Variants in EQTN observed in about 807,000 individuals in gnomAD.
EQTN encodes Acrosome formation associated factor.
Under a neutral mutation model 26.9 loss-of-function variants are expected in EQTN, and 29 were observed. That is an observed-to-expected ratio of 1.08 (90% CI 0.80 to 1.47). EQTN has a LOEUF of 1.47. Ranked by LOEUF, EQTN falls within the 40% of genes most tolerant of loss-of-function variation. The pLI is 0.00. For synonymous variants in EQTN, 129 were observed against 120.0 expected (o/e 1.07, Z -0.49); for missense variants, 391 against 346.1 (o/e 1.13, Z -1.03).
At chr9:27,292,268 A>T (rs917035118) in intron 4 of EQTN, 133 bp downstream of exon 4, 1 of 471,356 alleles carries the variant, frequency 2.1e-6, no homozygotes, top group Non-Finnish European at 3.7e-6. Context: ...GATTTTAGTG[A>T]CTTTAAAAGG....
Position 27,297,048 on chromosome 9 carries a change from A to T in EQTN, c.8T>A (p.Phe3Tyr), listed in dbSNP as rs144732399. The T allele has an allele frequency of 5.0e-6, 8 of 1,604,778 alleles. No homozygotes were observed. The African/African-American group carries it at 1.1e-4, about 21-fold the overall frequency. Residue 3 changes from phenylalanine to tyrosine, a missense_variant, in exon 1 of 8, where the codon TTT (phenylalanine) becomes TAT (tyrosine). Physicochemically the swap from Phe to Tyr is conservative, Grantham distance 22. Coordinates refer to ENST00000380032, the MANE Select transcript of EQTN (RefSeq NM_020641.3). MN[F>Y]ILFIFIPGVF... The stretch of plus-strand genomic sequence containing the variant: ...TCCAGGTATAAAAATAAACAATATA[A>T]AATTCATTGGGAAATTGAAGTGATT...
chr9:27,285,643 C>A (rs1361457508), intron 7 of EQTN, among the ~76,000 whole-genome samples: 3 of 152,090 alleles, frequency 2.0e-5, no homozygotes, highest in Non-Finnish European at 4.4e-5. Flanking sequence ...ATACACCATT[C>A]GTCAAAAACA....
At chr9:27,294,140 G>C (rs1820289370) in intron 3 of EQTN, among the ~76,000 whole-genome samples, 176 bp downstream of exon 3, 2 of 152,216 alleles carry the variant, frequency 1.3e-5, no homozygotes, top group African/African-American at 4.8e-5. Context: ...TGTGAGAAAA[G>C]CAGAGAGGAT....
intron 6 of EQTN, 54 bp from the exon 7 acceptor site, chr9:27,286,416 AGGAG>A: frequency 6.6e-7 from 1 of 1,520,624 alleles, no homozygotes; most frequent in Admixed American, 2.0e-5. Context: ...GTTCTCCTGA[AGGAG>A]TAAAGATTGC....
In EQTN at chr9:27,292,467, T is replaced by C. The variant is rs1820256262; in HGVS notation, c.310A>G (p.Thr104Ala). The C allele has an allele frequency of 6.2e-7, 1 of 1,605,654 alleles. No homozygotes were observed. Among genetic ancestry groups the C allele is most frequent in the Non-Finnish European group, 8.5e-7 (1 of 1,175,940 alleles). ...LKNDKTVNAT[T>A]YEKSTIEEET... The stretch of plus-strand genomic sequence containing the variant: ...TCTTCAATGGTGGATTTTTCATATG[T>C]AGTTGCATTGACAGTTTTATCTAGG... The change falls in exon 4 of 8, where the codon ACA becomes GCA. Residue 104 changes from threonine to alanine, a missense_variant. Coordinates refer to ENST00000380032, the MANE Select transcript of EQTN (RefSeq NM_020641.3).
rs1357205046 is a variant in EQTN at position 27,284,897 on chromosome 9, A to T, written c.711T>A (p.Gly237=). 1 of 1,614,110 alleles carries T rather than the reference A, an allele frequency of 6.2e-7. No homozygotes were observed. The highest frequency in any genetic ancestry group is 2.2e-5 in the East Asian group (1 of 44,874). Residue 237 remains glycine, a synonymous_variant, in exon 8 of 8, where the codon GGT becomes GGA. Coordinates refer to ENST00000380032, the MANE Select transcript of EQTN (RefSeq NM_020641.3). ...ATMSYFHPSE[G]VSDTSFSKSA... is the part of the protein sequence containing the mutation. ...TCTTGGAAAAGGATGTATCTGAAAC[A>T]CCTTCTGATGGATGAAAGTAAGACA...
intron 4 of EQTN, 90 bp from the exon 5 acceptor site, chr9:27,291,153 C>T (rs1410455436): frequency 1.8e-5 from 22 of 1,199,322 alleles, no homozygotes; most frequent in Non-Finnish European, 2.0e-5. Context: ...GTTTGTTAGT[C>T]ATTTAGCAGT....
chr9:27,285,571 T>A (rs1476361439), intron 7 of EQTN, among the ~76,000 whole-genome samples: 1 of 152,198 alleles, frequency 6.6e-6, no homozygotes, highest in Non-Finnish European at 1.5e-5. Flanking sequence ...AAGAAACATG[T>A]ACAATGAAAT....
At chr9:27,295,273 T>C (rs1198494504) in intron 2 of EQTN, among the ~76,000 whole-genome samples, 1 of 151,984 alleles carries the variant, frequency 6.6e-6, no homozygotes, top group Non-Finnish European at 1.5e-5. Context: ...TATGGAAAAA[T>C]AAAACAAAGT....
chr9:27,289,754 T>C, intron 5 of EQTN, 23 bp from the exon 6 acceptor site: 1 of 1,591,538 alleles, frequency 6.3e-7, no homozygotes, highest in Non-Finnish European at 8.6e-7. Context: ...ATTGGGGTTA[T>C]GGTAAACAAC....
chr9:27,296,894 A>G, intron 1 of EQTN, 86 bp downstream of exon 1: 2 of 1,567,194 alleles, frequency 1.3e-6, no homozygotes, highest in South Asian at 2.4e-5. Context: ...ATCCTCCTGT[A>G]GAAAACTGCC....
chr9:27,296,521 G>A (rs992161142), intron 2 of EQTN, 92 bp downstream of exon 2: 2 of 906,156 alleles, frequency 2.2e-6, no homozygotes, highest in Non-Finnish European at 3.3e-6. Context: ...AACAAATACA[G>A]GGGGAAATGA....
intron 6 of EQTN, among the ~76,000 whole-genome samples, chr9:27,287,984 T>G (rs1045774747): frequency 1.3e-5 from 2 of 152,146 alleles, no homozygotes; most frequent in Non-Finnish European, 2.9e-5. Flanking sequence ...TTTGGTATTT[T>G]TAACAGAGAC....
intron 2 of EQTN, among the ~76,000 whole-genome samples, chr9:27,294,923 C>G (rs771669831): frequency 9.9e-5 from 15 of 152,156 alleles, no homozygotes; most frequent in Non-Finnish European, 2.1e-4. Flanking sequence ...CAATTCAAAA[C>G]TAATGTATAT....
rs201996005 is a variant in EQTN at position 27,296,988 on chromosome 9, G to C, written c.68C>G (p.Thr23Ser). ...TTTAAATGCTCTCTCACCTTCAATA[G>C]TAGGCTTCAAAGTGCTACTTTTTAA... is the stretch of plus-strand genomic sequence containing the variant. ...FSLKSSTLKP[T>S]IEALPNVLPL... The change falls in exon 1 of 8, where the codon ACT becomes AGT. Residue 23 changes from threonine to serine, a missense_variant. Coordinates refer to ENST00000380032, the MANE Select transcript of EQTN (RefSeq NM_020641.3). 1.2e-6 allele frequency: 2 copies of C among 1,611,874 alleles called. No homozygotes were observed. Among genetic ancestry groups the C allele is most frequent in the African/African-American group, 2.7e-5 (2 of 74,806 alleles).
intron 5 of EQTN, 121 bp downstream of exon 5, chr9:27,290,898 A>T: frequency 1.5e-6 from 1 of 686,094 alleles, no homozygotes; most frequent in Non-Finnish European, 2.3e-6. Flanking sequence ...TTGCTATTAC[A>T]TGTGGCAACA....
chr9:27,293,246 A>C (rs1820272426), intron 3 of EQTN, among the ~76,000 whole-genome samples: 1 of 152,186 alleles, frequency 6.6e-6, no homozygotes, highest in Non-Finnish European at 1.5e-5. Flanking sequence ...GGAATCAGTT[A>C]CTGGAGTTGA....
At chr9:27,290,475 G>T (rs139639817) in intron 5 of EQTN, among the ~76,000 whole-genome samples, 234 of 152,250 alleles carry the variant, frequency 1.5e-3, no homozygotes, top group Non-Finnish European at 2.5e-3. Context: ...TGCAAATAAT[G>T]ATCAACTGAA....
chr9:27,284,739 T>G lies in EQTN; in HGVS notation c.869A>C (p.Glu290Ala). ...GSDNEMHEND[E>A]SVTR is the part of the protein sequence containing the mutation. ...TTGATTTCTTCACCGGGTAACCGAC[T>G]CATCGTTTTCATGCATCTCATTATC... Residue 290 changes from glutamate to alanine, a missense_variant, in exon 8 of 8, where the codon GAG becomes GCG. Transcript: ENST00000380032. The G allele has an allele frequency of 6.8e-6, 11 of 1,613,818 alleles. No homozygotes were observed. The highest frequency in any genetic ancestry group is 9.3e-6 in the Non-Finnish European group (11 of 1,179,878).
Sources: gnomAD v4.1 joint callset for allele counts (sites outside exome capture counted in the v4.1 genomes callset) on GRCh38, gnomAD v4.1.1 for gene constraint, MANE v1.5 for transcripts, NCBI Gene and HGNC (gene_info 2026-07-23, HGNC 2026-07-21) for gene names.